Variants in NTRK3 observed in about 807,000 individuals in gnomAD.
NTRK3 encodes neurotrophic receptor tyrosine kinase 3.
In NTRK3, 24 loss-of-function variants were observed where a neutral mutation model predicts 91.7. The observed-to-expected ratio is 0.26, with a 90% CI of 0.19 to 0.37. The LOEUF is 0.37. NTRK3 is among the 10% of genes least tolerant of loss of function. The pLI is 1.00. For missense variants in NTRK3, 880 were observed against 1,068.9 expected (o/e 0.82, Z 2.46); for synonymous variants, 483 against 404.0 (o/e 1.20, Z -2.34).
chr15:87,921,530 T>A (rs2067871615), intron 17 of NTRK3, among the ~76,000 whole-genome samples: 1 of 152,174 alleles, frequency 6.6e-6, no homozygotes, highest in Admixed American at 6.5e-5. Flanking sequence ...ATTCTGAGTG[T>A]AGCTGGCAAC....
intron 14 of NTRK3, among the ~76,000 whole-genome samples, chr15:88,021,192 T>C (rs2077562852): frequency 6.6e-6 from 1 of 152,236 alleles, no homozygotes; most frequent in African/African-American, 2.4e-5. Context: ...TCCTGAAGAA[T>C]GTTACCACCC....
At chr15:88,133,868 T>C (rs1378229648) in intron 10 of NTRK3, among the ~76,000 whole-genome samples, 1 of 152,176 alleles carries the variant, frequency 6.6e-6, no homozygotes, top group Admixed American at 6.5e-5. Flanking sequence ...GGCTCCATCA[T>C]CCCTGGGACC....
chr15:87,959,830 A>G (rs2072064017), intron 14 of NTRK3, among the ~76,000 whole-genome samples: 3 of 152,172 alleles, frequency 2.0e-5, no homozygotes, highest in Admixed American at 2.0e-4. Context: ...GCTAAGAGGG[A>G]GCCAAATGTG....
chr15:87,881,514 G>C (rs1051815979), intron 17 of NTRK3, among the ~76,000 whole-genome samples: 4 of 151,906 alleles, frequency 2.6e-5, no homozygotes, highest in African/African-American at 9.7e-5. Flanking sequence ...CCACCTCCCG[G>C]GTTCACGCCA....
chr15:88,034,256 A>T (rs2078873120), intron 13 of NTRK3, among the ~76,000 whole-genome samples: 1 of 151,904 alleles, frequency 6.6e-6, no homozygotes, highest in Non-Finnish European at 1.5e-5. Flanking sequence ...CAGCTGCCCC[A>T]CTCTTGAAAT....
chr15:87,877,027 C>G (rs550257984), exon 19 of NTRK3: 3 of 1,613,962 alleles, frequency 1.9e-6, no homozygotes, highest in Non-Finnish European at 2.5e-6. Context: ...TGCTGTGGTT[C>G]CCTCTGCCAG....
chr15:87,918,000 T>C (rs1048228641), intron 17 of NTRK3, among the ~76,000 whole-genome samples: 1 of 53,052 alleles, frequency 1.9e-5, no homozygotes, highest in African/African-American at 1.2e-4. Context: ...TTTTTGTGTT[T>C]TTTTTTTGTT....
At chr15:87,911,751 T>G (rs889908543) in intron 17 of NTRK3, among the ~76,000 whole-genome samples, 3 of 152,192 alleles carry the variant, frequency 2.0e-5, no homozygotes, top group Non-Finnish European at 4.4e-5. Flanking sequence ...CCCAGATCAG[T>G]CATTCGCTGA....
chr15:88,038,846 A>T (rs973015888), intron 13 of NTRK3, among the ~76,000 whole-genome samples: 6 of 151,928 alleles, frequency 3.9e-5, no homozygotes, highest in African/African-American at 1.5e-4. Context: ...CCAACATGTT[A>T]CTCCATGAAA....
chr15:87,889,509 A>G (rs74027280), intron 17 of NTRK3, among the ~76,000 whole-genome samples: 7,889 of 150,462 alleles, frequency 0.052, 718 homozygotes, highest in African/African-American at 0.18. Flanking sequence ...GGTTCAAGCA[A>G]TTCTCCTCCT....
intron 13 of NTRK3, among the ~76,000 whole-genome samples, chr15:88,092,562 G>A (rs776538941): frequency 6.6e-6 from 1 of 152,202 alleles, no homozygotes; most frequent in South Asian, 2.1e-4. Flanking sequence ...TAGTATGAAG[G>A]TGTGTCCATT....
intron 16 of NTRK3, among the ~76,000 whole-genome samples, chr15:87,930,700 G>T (rs748109797): frequency 1.3e-5 from 2 of 152,132 alleles, no homozygotes; most frequent in Non-Finnish European, 2.9e-5. Flanking sequence ...GGGTTGGTGC[G>T]GCCTGTTGCT....
In NTRK3 at chr15:87,896,030, T is replaced by C. The variant is rs553553748; in HGVS notation, c.2134-15602A>G. ...GAACCAAACAAATATATTTCCTAAA[T>C]GTATTTGATTGATGTCTCATGCCTC... is the stretch of plus-strand genomic sequence containing the variant. On this transcript the variant is annotated intron_variant, in intron 17 of 18. Transcript: ENST00000394480. Among the ~76,000 whole-genome samples, 33 of 152,204 alleles carry C rather than the reference T, an allele frequency of 2.2e-4. No homozygotes were observed. In the South Asian group the frequency reaches 6.2e-3, roughly 29 times the overall value.
rs76658453 is a variant in NTRK3, at chr15:87,874,747, C to T, written c.*2188G>A. ...CTGTTCTTAGCTACCCAGATCAAAG[C>T]CAGATTGTGCAGCTTCAGCCAGAAC... On this transcript the variant is annotated 3_prime_UTR_variant, in exon 19 of 19. Transcript: ENST00000394480. The T allele has an allele frequency of 5.4e-3, 1,261 of 232,246 alleles. 23 individuals are homozygous for T. Among genetic ancestry groups the T allele is most frequent in the East Asian group, 0.03 (499 of 16,438 alleles). The allele number at this position is 232,246 out of a possible 1,614,324, so 14.4% of individuals were successfully genotyped here.
At chr15:88,002,897 G>C (rs895953364) in intron 14 of NTRK3, among the ~76,000 whole-genome samples, 4 of 152,018 alleles carry the variant, frequency 2.6e-5, no homozygotes, top group Non-Finnish European at 2.9e-5. Flanking sequence ...CTGGGGAGTG[G>C]GGACCTTTGC....
At chr15:88,248,344 T>C (rs2053035636) in intron 3 of NTRK3, among the ~76,000 whole-genome samples, 1 of 152,180 alleles carries the variant, frequency 6.6e-6, no homozygotes, top group Non-Finnish European at 1.5e-5. Flanking sequence ...CCTGGGACAG[T>C]GTTGGCCACA....
At chr15:88,167,950 T>C (rs1021327163) in intron 5 of NTRK3, among the ~76,000 whole-genome samples, 4 of 152,210 alleles carry the variant, frequency 2.6e-5, no homozygotes, top group African/African-American at 4.8e-5. Context: ...AAATGCATTA[T>C]GTCATCCAAG....
intron 17 of NTRK3, among the ~76,000 whole-genome samples, chr15:87,903,352 T>A (rs1414651800): frequency 2.6e-5 from 4 of 152,208 alleles, no homozygotes; most frequent in Admixed American, 2.6e-4. Flanking sequence ...ATCACGAGAC[T>A]AGGGCAACAT....
At chr15:88,256,025 G>A in exon 3 of NTRK3, 1 of 1,613,510 alleles carries the variant, frequency 6.2e-7, no homozygotes, top group Non-Finnish European at 8.5e-7. Flanking sequence ...GCCGGCAATT[G>A]ATCTCAGTCT....
Sources: gnomAD v4.1 joint callset for allele counts (sites outside exome capture counted in the v4.1 genomes callset) on GRCh38, gnomAD v4.1.1 for gene constraint, MANE v1.5 for transcripts, NCBI Gene and HGNC (gene_info 2026-07-23, HGNC 2026-07-21) for gene names.